Variants in RAB3GAP2 observed in about 807,000 individuals in gnomAD.
RAB3GAP2 encodes RAB3 GTPase activating non-catalytic protein subunit 2.
In RAB3GAP2, 87 loss-of-function variants were observed where a neutral mutation model predicts 185.3. The ratio of observed to expected loss-of-function variants is 0.47; its 90% CI spans 0.39 to 0.56. RAB3GAP2 has a LOEUF of 0.56. RAB3GAP2 is among the 20% of genes least tolerant of loss of function. The pLI is 0.00. For synonymous variants in RAB3GAP2, 554 were observed against 576.1 expected, an observed-to-expected ratio of 0.96 and a Z score of 0.55; for missense variants, 1,492 against 1,638.2, an observed-to-expected ratio of 0.91 and a Z score of 1.54.
chr1:220,269,547 C>T (rs534304016), intron 1 of RAB3GAP2, among the ~76,000 whole-genome samples: 1 of 152,252 alleles, frequency 6.6e-6, no homozygotes, highest in South Asian at 2.1e-4. Flanking sequence ...CATAGTGAAA[C>T]CCCATCTCTA....
intron 7 of RAB3GAP2, among the ~76,000 whole-genome samples, 165 bp from the exon 8 acceptor site, chr1:220,206,171 T>G (rs1658962677): frequency 6.6e-6 from 1 of 152,160 alleles, no homozygotes; most frequent in African/African-American, 2.4e-5. Context: ...GAGAGTGCCT[T>G]TTTGCCAAAG....
chr1:220,254,903 C>A (rs1421970417), intron 1 of RAB3GAP2, among the ~76,000 whole-genome samples: 1 of 149,504 alleles, frequency 6.7e-6, no homozygotes, highest in Non-Finnish European at 1.5e-5. Context: ...ATTCCTAGTG[C>A]CAAAGGTTCA....
At position 220,213,741 on chromosome 1, in the gene RAB3GAP2, G is replaced by A. The variant is rs147804604; in HGVS notation, c.304+115C>T. 0.097 allele frequency: 96,014 copies of A among 993,566 alleles called. 7,086 individuals carry two copies. The highest frequency in any genetic ancestry group is 0.14 in the South Asian group (9,037 of 64,104). 61.5% of individuals were successfully genotyped at this position (993,566 alleles called of 1,614,324 possible). On this transcript the variant is annotated intron_variant, in intron 3 of 34. Coordinates refer to ENST00000358951, the MANE Select transcript of RAB3GAP2 (RefSeq NM_012414.4). ...GGGGCGGAGGAGGAGTTGGGGGGGG[G>A]GGGAGAGAGAGAGAAATAAATAAAT...
intron 2 of RAB3GAP2, among the ~76,000 whole-genome samples, chr1:220,219,983 G>A (rs534527839): frequency 1.3e-5 from 2 of 152,258 alleles, no homozygotes; most frequent in South Asian, 4.1e-4. Flanking sequence ...TTAGCGTTTT[G>A]GAAAACTTCC....
chr1:220,162,167 A>G (rs1164478023), intron 28 of RAB3GAP2, 31 bp downstream of exon 28: 1 of 1,432,764 alleles, frequency 7.0e-7, no homozygotes, highest in Non-Finnish European at 9.8e-7. Flanking sequence ...GAATCAAATA[A>G]ATAAGAAGTC....
intron 1 of RAB3GAP2, chr1:220,267,947 C>G: frequency 6.3e-6 from 4 of 634,774 alleles, no homozygotes; most frequent in Non-Finnish European, 1.1e-5. Context: ...CTGAGTCTTC[C>G]AAGAGCTCAG....
intron 34 of RAB3GAP2, 39 bp downstream of exon 34, chr1:220,151,567 C>G (rs1657754555): frequency 2.5e-6 from 4 of 1,592,076 alleles, no homozygotes; most frequent in Non-Finnish European, 2.6e-6. Context: ...AAGAAAACAT[C>G]CAATGACCTT....
intron 7 of RAB3GAP2, 140 bp downstream of exon 7, chr1:220,210,248 T>C (rs1021188176): frequency 6.6e-6 from 5 of 754,532 alleles, no homozygotes; most frequent in Non-Finnish European, 1.2e-5. Context: ...AAATAGATTA[T>C]ATTTCTAGAC....
intron 13 of RAB3GAP2, among the ~76,000 whole-genome samples, chr1:220,192,641 T>G (rs770082571): frequency 2.6e-5 from 4 of 152,214 alleles, no homozygotes; most frequent in Non-Finnish European, 5.9e-5. Flanking sequence ...AGGAGAAGCC[T>G]TCTTCCTTTC....
chr1:220,151,236 T>G lies in RAB3GAP2; in HGVS notation c.*15A>C, dbSNP rs756744473. The G allele has an allele frequency of 1.9e-6, 3 of 1,610,332 alleles. No individual in the cohort carries two copies. The highest frequency in any genetic ancestry group is 1.7e-5 in the Admixed American group (1 of 60,006). On this transcript the variant is annotated 3_prime_UTR_variant, in exon 35 of 35. Transcript: ENST00000358951. ...GTTATAATCATAATTTTAGACTATT[T>G]CCAGTAGGTAAGTGTCATAAAGAAG...
intron 2 of RAB3GAP2, among the ~76,000 whole-genome samples, chr1:220,216,074 T>C (rs1659196314): frequency 6.6e-6 from 1 of 152,092 alleles, no homozygotes; most frequent in East Asian, 1.9e-4. Context: ...AAATATGGGT[T>C]ACAGGGAATC....
chr1:220,232,988 G>T, intron 1 of RAB3GAP2, 125 bp from the exon 2 acceptor site: 1 of 754,816 alleles, frequency 1.3e-6, no homozygotes, highest in Non-Finnish European at 2.3e-6. Context: ...GAAAATAAGG[G>T]TAAACTGTGT....
At chr1:220,156,153 G>A (rs183606309) in intron 31 of RAB3GAP2, among the ~76,000 whole-genome samples, 1 of 152,034 alleles carries the variant, frequency 6.6e-6, no homozygotes, top group Admixed American at 6.6e-5. Flanking sequence ...GTTTCACCAT[G>A]TTGGCCAGGC....
chr1:220,211,133 T>A, intron 4 of RAB3GAP2, 131 bp from the exon 5 acceptor site: 1 of 854,680 alleles, frequency 1.2e-6, no homozygotes, highest in Non-Finnish European at 1.9e-6. Context: ...GATGCATAAG[T>A]AAAAATACAG....
In RAB3GAP2 at chr1:220,213,962, A is replaced by C. The variant is rs780020920; in HGVS notation, c.198T>G (p.Thr66=). ...EPQEPEEEGN[T]CKTQKTSWLQ... Reference sequence around the variant, plus strand: ...GCCAGGAAGTTTTTTGTGTTTTGCAAGTATTTCCTTCTTCTTCCTGTGGGT... The same window carrying C: ...GCCAGGAAGTTTTTTGTGTTTTGCACGTATTTCCTTCTTCTTCCTGTGGGT... Residue 66 remains threonine, a synonymous_variant, in exon 3 of 35, where the codon ACT becomes ACG. Coordinates refer to ENST00000358951, the MANE Select transcript of RAB3GAP2 (RefSeq NM_012414.4). 23 of 1,613,440 alleles carry C rather than the reference A, an allele frequency of 1.4e-5. No homozygotes were observed. The highest frequency in any genetic ancestry group is 1.9e-5 in the Non-Finnish European group (23 of 1,179,514).
intron 1 of RAB3GAP2, among the ~76,000 whole-genome samples, chr1:220,242,461 C>CA (rs1407574796): frequency 1.1e-3 from 154 of 145,410 alleles, no homozygotes; most frequent in Middle Eastern, 3.5e-3. Context: ...CTGATATTAC[C>CA]AAAAAAAAAA....
intron 2 of RAB3GAP2, among the ~76,000 whole-genome samples, chr1:220,229,972 A>G (rs1659470061): frequency 6.6e-6 from 1 of 152,230 alleles, no homozygotes; most frequent in Non-Finnish European, 1.5e-5. Flanking sequence ...AGTGCCATTT[A>G]CACTATCTCT....
rs1660356020 is a variant in RAB3GAP2, at chr1:220,272,446, G to A, written c.-109C>T. The A allele has an allele frequency of 2.7e-6, 2 of 744,744 alleles. No individual in the cohort carries two copies. The highest frequency in any genetic ancestry group is 2.4e-6 in the Non-Finnish European group (1 of 418,746). The allele number at this position is 744,744 out of a possible 1,614,324, so 46.1% of individuals were successfully genotyped here. On this transcript the variant is annotated 5_prime_UTR_variant, in exon 1 of 35. Coordinates refer to ENST00000358951, the MANE Select transcript of RAB3GAP2 (RefSeq NM_012414.4). ...CAATAGCTCTAGCCAAGCAGAAGGC[G>A]GAGAAACCAAACCGGAAGCTGTCAC...
intron 21 of RAB3GAP2, among the ~76,000 whole-genome samples, chr1:220,179,501 A>G (rs1658361269): frequency 6.6e-6 from 1 of 152,160 alleles, no homozygotes; most frequent in East Asian, 1.9e-4. Flanking sequence ...TCAGAGTTAA[A>G]CTACATACTA....
Sources: gnomAD v4.1 joint callset for allele counts (sites outside exome capture counted in the v4.1 genomes callset) on GRCh38, gnomAD v4.1.1 for gene constraint, MANE v1.5 for transcripts, NCBI Gene and HGNC (gene_info 2026-07-23, HGNC 2026-07-21) for gene names.